Variants in EPHA5 observed in about 807,000 individuals in gnomAD.
The protein encoded by EPHA5 is ephrin type-A receptor 5.
EPHA5 carries 60 observed loss-of-function variants against 105.0 expected under a neutral mutation model. That is an observed-to-expected ratio of 0.57 (90% CI 0.46 to 0.71). EPHA5 has a LOEUF of 0.71. EPHA5 is among the 30% of genes least tolerant of loss of function. The pLI is 0.00. For synonymous variants in EPHA5, 513 were observed against 449.1 expected (o/e 1.14, Z -1.80); for missense variants, 1,218 against 1,274.7 (o/e 0.96, Z 0.68).
chr4:65,358,916 T>TCAATTGAAA (rs1188511143), intron 11 of EPHA5, among the ~76,000 whole-genome samples: 1 of 151,558 alleles, frequency 6.6e-6, no homozygotes, highest in Non-Finnish European at 1.5e-5. Context: ...TGTTCGTTTC[T>TCAATTGAAA]CAAATTAAAA....
At chr4:65,474,501 C>A (rs1729606093) in intron 5 of EPHA5, among the ~76,000 whole-genome samples, 2 of 152,110 alleles carry the variant, frequency 1.3e-5, no homozygotes, top group Admixed American at 6.6e-5. Flanking sequence ...TATCCTCAGG[C>A]CTTCTAGGCT....
chr4:65,431,589 G>A (rs527907389), intron 5 of EPHA5, among the ~76,000 whole-genome samples: 2 of 151,722 alleles, frequency 1.3e-5, no homozygotes, highest in South Asian at 2.1e-4. Flanking sequence ...TCCTCTTCCC[G>A]ACCTCCCTCC....
intron 3 of EPHA5, among the ~76,000 whole-genome samples, chr4:65,588,937 C>A (rs943455633): frequency 6.6e-6 from 1 of 152,130 alleles, no homozygotes; most frequent in Non-Finnish European, 1.5e-5. Flanking sequence ...AGCACTTTAT[C>A]TAGGATTATC....
intron 2 of EPHA5, among the ~76,000 whole-genome samples, chr4:65,614,909 C>T (rs767092819): frequency 2.0e-5 from 3 of 151,360 alleles, no homozygotes; most frequent in Non-Finnish European, 3.0e-5. Context: ...ATGTCATCAA[C>T]AATAGAAATA....
chr4:65,482,206 G>A (rs1730435266), intron 5 of EPHA5, among the ~76,000 whole-genome samples: 1 of 151,158 alleles, frequency 6.6e-6, no homozygotes, highest in Admixed American at 6.6e-5. Flanking sequence ...GCTGAGGCAG[G>A]AGAAGTGCTT....
intron 5 of EPHA5, among the ~76,000 whole-genome samples, chr4:65,447,224 A>G (rs1341604733): frequency 6.6e-6 from 1 of 151,952 alleles, no homozygotes; most frequent in Non-Finnish European, 1.5e-5. Context: ...TAAGGCTGTA[A>G]ATAAAACAGT....
chr4:65,495,335 T>G, intron 4 of EPHA5, 53 bp downstream of exon 4: 1 of 1,562,804 alleles, frequency 6.4e-7, no homozygotes, highest in South Asian at 1.2e-5. Context: ...ATCATGCTGT[T>G]TCCTCAAAAC....
At chr4:65,443,945 GC>G (rs1726266234) in intron 5 of EPHA5, among the ~76,000 whole-genome samples, 1 of 151,972 alleles carries the variant, frequency 6.6e-6, no homozygotes, top group Non-Finnish European at 1.5e-5. Context: ...ACGTGTGCAC[GC>G]GCACATGCGC....
chr4:65,431,702 C>T (rs1019890142), intron 5 of EPHA5, among the ~76,000 whole-genome samples: 2 of 152,066 alleles, frequency 1.3e-5, no homozygotes, highest in Non-Finnish European at 2.9e-5. Flanking sequence ...AGTGACCATA[C>T]AGCTGGGAAT....
rs368540778 is a variant in EPHA5, at chr4:65,366,066, A to G, written c.1862-9T>C. The stretch of plus-strand genomic sequence containing the variant: ...TACTCCTGGCAGTTTAACTGTAAAT[A>G]TAAATTGGCATTAAAACAGAAGTAG... On this transcript the variant is annotated splice_polypyrimidine_tract_variant and intron_variant, in intron 9 of 16. Transcript: ENST00000613740. 4 of 1,588,242 alleles carry G rather than the reference A, an allele frequency of 2.5e-6. No individual in the cohort carries two copies. Among genetic ancestry groups the G allele is most frequent in the Non-Finnish European group, 3.4e-6 (4 of 1,160,832 alleles).
chr4:65,661,343 T>A (rs546463699), intron 1 of EPHA5, among the ~76,000 whole-genome samples: 59 of 152,272 alleles, frequency 3.9e-4, no homozygotes, highest in African/African-American at 1.3e-3. Flanking sequence ...CAAGTTTAAA[T>A]CAAAAACAAT....
At chr4:65,584,470 C>T (rs1266572756) in intron 3 of EPHA5, among the ~76,000 whole-genome samples, 2 of 151,762 alleles carry the variant, frequency 1.3e-5, no homozygotes, top group Non-Finnish European at 2.9e-5. Flanking sequence ...CATGACACAG[C>T]CCCCTCAACC....
chr4:65,561,386 G>A (rs201599138), intron 3 of EPHA5, among the ~76,000 whole-genome samples: 2 of 115,302 alleles, frequency 1.7e-5, no homozygotes, highest in South Asian at 3.3e-4. Context: ...GGCATATAGG[G>A]TATCCAGGGT....
At chr4:65,520,326 T>C (rs542348972) in intron 3 of EPHA5, among the ~76,000 whole-genome samples, 3 of 152,302 alleles carry the variant, frequency 2.0e-5, no homozygotes, top group Admixed American at 1.3e-4. Context: ...CCTAGCCATA[T>C]GTCGAAAGCT....
At chr4:65,555,703 T>C (rs1313937845) in intron 3 of EPHA5, among the ~76,000 whole-genome samples, 1 of 146,700 alleles carries the variant, frequency 6.8e-6, no homozygotes, top group Non-Finnish European at 1.5e-5. Flanking sequence ...TTGTGACAAG[T>C]GACAGTAATT....
intron 5 of EPHA5, among the ~76,000 whole-genome samples, chr4:65,482,290 T>TAAA (rs58590136): frequency 1.2e-5 from 1 of 85,148 alleles, no homozygotes; most frequent in Admixed American, 1.2e-4. Context: ...AAGAACAAGA[T>TAAA]AAAAAAAAAA....
At chr4:65,384,092 C>T (rs1719852714) in intron 8 of EPHA5, among the ~76,000 whole-genome samples, 1 of 151,822 alleles carries the variant, frequency 6.6e-6, no homozygotes, top group Middle Eastern at 3.2e-3. Context: ...TGAGGTTGTG[C>T]AGGGACACAG....
intron 2 of EPHA5, among the ~76,000 whole-genome samples, chr4:65,609,265 C>A (rs1744529620): frequency 6.6e-6 from 1 of 152,044 alleles, no homozygotes; most frequent in African/African-American, 2.4e-5. Flanking sequence ...GAATCAAAAC[C>A]TTGTTATATT....
intron 3 of EPHA5, among the ~76,000 whole-genome samples, chr4:65,576,071 A>G (rs1740956583): frequency 1.2e-5 from 1 of 81,800 alleles, no homozygotes; most frequent in Non-Finnish European, 2.5e-5. Flanking sequence ...AAGAAAAGAA[A>G]AGAAAAGAAA....
Sources: allele counts gnomAD v4.1 joint callset (sites outside exome capture counted in the v4.1 genomes callset), GRCh38; gene constraint gnomAD v4.1.1; transcripts MANE v1.5; gene names NCBI Gene and HGNC (gene_info 2026-07-23, HGNC 2026-07-21).